The following RECQL variants were observed in gnomAD, a reference collection of about 807,000 sequenced individuals.
The protein encoded by RECQL is RecQ like helicase, also known as ATP-dependent DNA helicase Q1.
RECQL carries 73 observed loss-of-function variants against 75.8 expected under a neutral mutation model. That is an observed-to-expected ratio of 0.96 (90% CI 0.80 to 1.17). RECQL has a LOEUF of 1.17. RECQL is among the 50% of genes most tolerant of loss of function. RECQL has a pLI of 0.00. For missense variants in RECQL, 699 were observed against 772.1 expected (o/e 0.91, Z 1.12); for synonymous variants, 248 against 254.4 (o/e 0.97, Z 0.24).
chr12:21,499,681 A>G, intron 1 of RECQL, 66 bp from the exon 2 acceptor site: 2 of 791,772 alleles, frequency 2.5e-6, no homozygotes, highest in Non-Finnish European at 4.2e-6. Context: ...ATGTTCACTC[A>G]ACAGTAATCT....
At chr12:21,490,595 AAC>A (rs1279225024) in intron 3 of RECQL, among the ~76,000 whole-genome samples, 2 of 152,122 alleles carry the variant, frequency 1.3e-5, no homozygotes, top group Non-Finnish European at 2.9e-5. Flanking sequence ...CTATAATCTC[AAC>A]AGTTTTGGGA....
Position 21,475,663 on chromosome 12 carries a change from A to T in RECQL, c.1098+13T>A, listed in dbSNP as rs1298155993. ...AAGGTAAATTAGGCTTCTATGGAAGATATAGACCTAACCTGAATTTCATTG... is the reference window on the plus strand; with the variant it reads ...AAGGTAAATTAGGCTTCTATGGAAGTTATAGACCTAACCTGAATTTCATTG... On this transcript the variant is annotated intron_variant, in intron 9 of 14. Transcript: ENST00000444129. 6 of 1,612,980 alleles carry T rather than the reference A, an allele frequency of 3.7e-6. No homozygotes were observed. Among genetic ancestry groups the T allele is most frequent in the Admixed American group, 1.7e-5 (1 of 59,974 alleles).
intron 10 of RECQL, 72 bp downstream of exon 10, chr12:21,475,394 CTT>C (rs1943065059): frequency 1.1e-6 from 1 of 899,630 alleles, no homozygotes; most frequent in Non-Finnish European, 1.8e-6. Flanking sequence ...AACATACAGA[CTT>C]ATTAAGCATT....
At chr12:21,500,293 A>G (rs1943584763) in intron 1 of RECQL, among the ~76,000 whole-genome samples, 1 of 152,230 alleles carries the variant, frequency 6.6e-6, no homozygotes, top group Admixed American at 6.5e-5. Context: ...CTAAGTATCT[A>G]TGAATGACTA....
In RECQL at chr12:21,470,244, A is replaced by G; in HGVS notation, c.1900T>C (p.Ser634Pro). 6.2e-7 allele frequency: 1 copy of G among 1,610,188 alleles called. No homozygotes were observed. The highest frequency in any genetic ancestry group is 8.5e-7 in the Non-Finnish European group (1 of 1,178,448). ...QKKAANMLQQSGSKNTGAKKR... is the reference protein window; with the variant it reads ...QKKAANMLQQPGSKNTGAKKR... ...TTAGCTCCTGTATTCTTAGAACCAGATTGCTGAAGCATGTTTGCAGCCTTC... is the reference window on the plus strand; with the variant it reads ...TTAGCTCCTGTATTCTTAGAACCAGGTTGCTGAAGCATGTTTGCAGCCTTC... Residue 634 changes from serine to proline, a missense_variant, in exon 15 of 15, where the codon TCT becomes CCT. By Grantham distance (74) the Ser-to-Pro change is moderately conservative (BLOSUM62 -1). Transcript: ENST00000444129.
At chr12:21,497,253 G>A (rs1943525068) in intron 2 of RECQL, among the ~76,000 whole-genome samples, 1 of 152,102 alleles carries the variant, frequency 6.6e-6, no homozygotes, top group Non-Finnish European at 1.5e-5. Context: ...CATGCACCAT[G>A]CTCCCCTTTG....
chr12:21,490,810 T>C (rs1025810328), intron 3 of RECQL, among the ~76,000 whole-genome samples: 6 of 151,988 alleles, frequency 3.9e-5, no homozygotes, highest in Non-Finnish European at 7.4e-5. Context: ...GTTGTGGTTG[T>C]GCCACTGCAC....
At position 21,470,306 on chromosome 12, in the gene RECQL, T is replaced by C. The variant is rs763815034; in HGVS notation, c.1838A>G (p.Lys613Arg). The C allele has an allele frequency of 4.4e-6, 7 of 1,604,536 alleles. No individual in the cohort carries two copies. The highest frequency in any genetic ancestry group is 6.0e-6 in the Non-Finnish European group (7 of 1,175,982). Reference sequence around the variant, plus strand: ...GCCTGAATTTTTTTCCTCCATCTTTTTATCACCTTGTTCAGAATGACAAGT... The same window carrying C: ...GCCTGAATTTTTTTCCTCCATCTTTCTATCACCTTGTTCAGAATGACAAGT... ...SQTCHSEQGD[K>R]KMEEKNSGNF... The change falls in exon 15 of 15, where the codon AAA (lysine) becomes AGA (arginine). Residue 613 changes from lysine to arginine, a missense_variant. Around this residue, in one of 2 missense-constraint regions of RECQL, gnomAD observed 30 missense variants for 58.6 expected, o/e 0.51. Transcript: ENST00000444129.
At chr12:21,495,852 G>A (rs1280662926) in intron 2 of RECQL, among the ~76,000 whole-genome samples, 2 of 152,202 alleles carry the variant, frequency 1.3e-5, no homozygotes, top group Non-Finnish European at 2.9e-5. Flanking sequence ...TGGGGCAGCA[G>A]CAGGTTCAAG....
intron 2 of RECQL, among the ~76,000 whole-genome samples, chr12:21,495,534 G>A (rs1165974807): frequency 1.3e-5 from 2 of 152,090 alleles, no homozygotes; most frequent in Non-Finnish European, 2.9e-5. Context: ...AGCGGAGCTT[G>A]GAGTGAGCTG....
intron 4 of RECQL, 34 bp downstream of exon 4, chr12:21,490,162 ACTT>A: frequency 2.5e-6 from 3 of 1,206,308 alleles, no homozygotes; most frequent in Non-Finnish European, 3.5e-6. Flanking sequence ...ATGACAAAGC[ACTT>A]CTTCAACTCA....
intron 12 of RECQL, among the ~76,000 whole-genome samples, chr12:21,473,094 T>A (rs1175094515): frequency 6.6e-6 from 1 of 152,166 alleles, no homozygotes; most frequent in African/African-American, 2.4e-5. Context: ...ATCTTTTAAA[T>A]CCATTTGGAA....
In RECQL at chr12:21,486,656, C is replaced by CCTTTTTTTTTTTTTTTTTTTT. The variant is rs1565571187; in HGVS notation, c.395-72_395-71insAAAAAAAAAAAAAAAAAAAAG. On this transcript the variant is annotated intron_variant, in intron 4 of 14. Transcript: ENST00000444129. ...CTCAGAATCAGATGCAAACCATTCA[C>CCTTTTTTTTTTTTTTTTTTTT]GTTTTTTTTTTTTTTTTTTTTTTTT... The CCTTTTTTTTTTTTTTTTTTTT allele has an allele frequency of 1.9e-4, 27 of 141,734 alleles. 13 individuals carry two copies. Among genetic ancestry groups the CCTTTTTTTTTTTTTTTTTTTT allele is most frequent in the African/African-American group, 2.0e-4 (3 of 14,764 alleles). 8.8% of individuals were successfully genotyped at this position (141,734 alleles called of 1,614,324 possible).
At chr12:21,483,599 A>G in intron 5 of RECQL, 25 bp from the exon 6 acceptor site, 1 of 1,508,326 alleles carries the variant, frequency 6.6e-7, no homozygotes, top group South Asian at 1.3e-5. Context: ...AAATAGACAC[A>G]ATGATAGTAA....
intron 13 of RECQL, 153 bp downstream of exon 13, chr12:21,471,275 A>T: frequency 1.0e-6 from 1 of 961,850 alleles, no homozygotes; most frequent in Non-Finnish European, 1.5e-6. Flanking sequence ...TTTTTTATTT[A>T]TAGTGATTAA....
At chr12:21,493,643 C>T (rs1347927656) in intron 2 of RECQL, among the ~76,000 whole-genome samples, 1 of 152,186 alleles carries the variant, frequency 6.6e-6, no homozygotes. Flanking sequence ...TGGAGGGGAA[C>T]ATAAGGGCAG....
At chr12:21,473,193 G>T (rs1315317315) in intron 12 of RECQL, among the ~76,000 whole-genome samples, 2 of 152,082 alleles carry the variant, frequency 1.3e-5, no homozygotes, top group Non-Finnish European at 2.9e-5. Context: ...TATGCCAGTG[G>T]TCCCAAGAGA....
chr12:21,471,671 C>T (rs1230554638), intron 12 of RECQL, 24 bp from the exon 13 acceptor site: 1 of 1,578,390 alleles, frequency 6.3e-7, no homozygotes, highest in African/African-American at 1.4e-5. Flanking sequence ...AATATGGTAG[C>T]AGGTAATTAG....
At position 21,470,077 on chromosome 12, in the gene RECQL, A is replaced by G; in HGVS notation, c.*117T>C. The G allele has an allele frequency of 1.4e-6, 1 of 703,948 alleles. No individual in the cohort carries two copies. The highest frequency in any genetic ancestry group is 1.8e-5 in the African/African-American group (1 of 54,220). 43.6% of individuals were successfully genotyped at this position (703,948 alleles called of 1,614,324 possible). On this transcript the variant is annotated 3_prime_UTR_variant, in exon 15 of 15. Transcript: ENST00000444129. The stretch of plus-strand genomic sequence containing the variant: ...CTTCAGAGATAAGCTCTGAAAATAT[A>G]GATCCATACATATAAAATATCTATG...
Sources: gnomAD v4.1 joint callset for allele counts (sites outside exome capture counted in the v4.1 genomes callset) on GRCh38, gnomAD v4.1.1 for gene constraint, gnomAD v4.1.1 regional missense constraint, MANE v1.5 for transcripts, NCBI Gene and HGNC (gene_info 2026-07-23, HGNC 2026-07-21) for gene names.